The following RALGAPA1 variants were observed in gnomAD, a reference collection of about 807,000 sequenced individuals.
RALGAPA1 encodes the protein ral GTPase-activating protein subunit alpha-1.
In RALGAPA1, 52 loss-of-function variants were observed where a neutral mutation model predicts 269.6. The ratio of observed to expected loss-of-function variants is 0.19; its 90% confidence interval spans 0.15 to 0.24. The LOEUF is 0.24. RALGAPA1 is among the 10% of genes least tolerant of loss of function. RALGAPA1 has a pLI of 1.00. For synonymous variants in RALGAPA1, 817 were observed against 1,008.3 expected, an observed-to-expected ratio of 0.81 and a Z score of 3.60; for missense variants, 1,917 against 3,013.9, an observed-to-expected ratio of 0.64 and a Z score of 8.52.
At chr14:35,636,868 T>C (rs2061694187) in intron 31 of RALGAPA1, among the ~76,000 whole-genome samples, 1 of 152,132 alleles carries the variant, frequency 6.6e-6, no homozygotes, top group Middle Eastern at 3.2e-3. Flanking sequence ...CCAGCATCTT[T>C]CTCCCATTCT....
At chr14:35,729,083 T>C (rs1223642966) in intron 12 of RALGAPA1, among the ~76,000 whole-genome samples, 1 of 151,850 alleles carries the variant, frequency 6.6e-6, no homozygotes, top group South Asian at 2.1e-4. Context: ...TCTATTGCTA[T>C]AATAAATTGA....
intron 1 of RALGAPA1, among the ~76,000 whole-genome samples, chr14:35,806,070 C>T (rs1249297055): frequency 6.6e-6 from 1 of 152,110 alleles, no homozygotes; most frequent in African/African-American, 2.4e-5. Flanking sequence ...ATGATGGTTT[C>T]AGGAGATATA....
chr14:35,684,556 A>T (rs1368933298), intron 20 of RALGAPA1, among the ~76,000 whole-genome samples: 1 of 152,186 alleles, frequency 6.6e-6, no homozygotes, highest in Non-Finnish European at 1.5e-5. Flanking sequence ...TTAAGAAGGG[A>T]TCACATTTTT....
At chr14:35,650,300 G>A (rs1200077093) in intron 31 of RALGAPA1, among the ~76,000 whole-genome samples, 2 of 151,944 alleles carry the variant, frequency 1.3e-5, no homozygotes, top group African/African-American at 2.4e-5. Context: ...CACGAGAACC[G>A]CTTGAACCTG....
At chr14:35,663,120 TC>T (rs1238876852) in intron 27 of RALGAPA1, among the ~76,000 whole-genome samples, 1 of 151,980 alleles carries the variant, frequency 6.6e-6, no homozygotes, top group Non-Finnish European at 1.5e-5. Flanking sequence ...CCCAGGCTGG[TC>T]TTGAACTCCT....
chr14:35,553,225 C>T (rs1352187880), intron 39 of RALGAPA1, among the ~76,000 whole-genome samples: 1 of 152,134 alleles, frequency 6.6e-6, no homozygotes, highest in East Asian at 1.9e-4. Context: ...TCTAGGAGGG[C>T]AATTTTTGAT....
chr14:35,776,481 T>C (rs908238616), intron 1 of RALGAPA1, among the ~76,000 whole-genome samples: 3 of 151,926 alleles, frequency 2.0e-5, no homozygotes, highest in African/African-American at 7.3e-5. Context: ...ACTTAGGGAT[T>C]AAAAAGCTCA....
intron 37 of RALGAPA1, among the ~76,000 whole-genome samples, chr14:35,590,502 C>T (rs186315093): frequency 1.3e-5 from 2 of 152,180 alleles, no homozygotes; most frequent in Admixed American, 1.3e-4. Flanking sequence ...GTAGTGAGTT[C>T]TCATGAAAGC....
intron 37 of RALGAPA1, among the ~76,000 whole-genome samples, chr14:35,577,810 C>T (rs189582389): frequency 2.7e-4 from 41 of 152,286 alleles, no homozygotes; most frequent in African/African-American, 9.9e-4. Flanking sequence ...GTTAAAAGTA[C>T]CTAACAACTA....
At chr14:35,759,592 T>TA (rs57642499) in intron 6 of RALGAPA1, among the ~76,000 whole-genome samples, 32,295 of 130,588 alleles carry the variant, frequency 0.25, 3,949 homozygotes, top group East Asian at 0.48. Flanking sequence ...ATTAAAGAAG[T>TA]AAAAAAAAAA....
chr14:35,766,362 C>A, intron 4 of RALGAPA1: 1 of 1,383,322 alleles, frequency 7.2e-7, no homozygotes, highest in Non-Finnish European at 1.0e-6. Context: ...TGTGAGCAAA[C>A]TATGTATAGG....
At chr14:35,732,336 G>C (rs1465582158) in intron 12 of RALGAPA1, among the ~76,000 whole-genome samples, 2 of 143,822 alleles carry the variant, frequency 1.4e-5, no homozygotes, top group African/African-American at 5.1e-5. Flanking sequence ...TTTAAAAATC[G>C]AAAACAAAAA....
Position 35,539,542 on chromosome 14 carries a change from T to C in RALGAPA1, c.*172A>G. ...GATCACTGCTGGGCTGCTTGTCTCC[T>C]TAGGATTTATTGGCTGAGCCAGAGG... On this transcript the variant is annotated 3_prime_UTR_variant, in exon 42 of 42. Transcript: ENST00000680220. 6.2e-7 allele frequency: 1 copy of C among 1,612,122 alleles called. No homozygotes were observed. Among genetic ancestry groups the C allele is most frequent in the East Asian group, 2.2e-5 (1 of 44,882 alleles).
rs1405337091 is a variant in RALGAPA1 at position 35,690,809 on chromosome 14, C to A, written c.2408-806G>T. 2.0e-5 allele frequency among the ~76,000 whole-genome samples: 3 copies of A among 152,058 alleles called. 1 individual carries two copies. Among genetic ancestry groups the A allele is most frequent in the Admixed American group, 1.3e-4 (2 of 15,268 alleles). On this transcript the variant is annotated intron_variant, in intron 17 of 41. Transcript: ENST00000680220. The stretch of plus-strand genomic sequence containing the variant: ...TATAGGCTGGGCGCGGTGGCTCACA[C>A]CTATAATCCCAGCACTCTGGGAGGC...
intron 37 of RALGAPA1, among the ~76,000 whole-genome samples, chr14:35,580,235 A>T (rs551718043): frequency 6.6e-6 from 1 of 152,310 alleles, no homozygotes; most frequent in African/African-American, 2.4e-5. Context: ...CTTGATCTTC[A>T]TCAAACTTCT....
intron 1 of RALGAPA1, among the ~76,000 whole-genome samples, chr14:35,804,620 GTAAC>G (rs1213528137): frequency 3.3e-5 from 5 of 150,658 alleles, no homozygotes; most frequent in South Asian, 2.1e-4. Context: ...TAAATAGTGA[GTAAC>G]TATTCAGAAA....
At chr14:35,632,633 T>G (rs1301658521) in intron 33 of RALGAPA1, among the ~76,000 whole-genome samples, 1 of 152,162 alleles carries the variant, frequency 6.6e-6, no homozygotes, top group Non-Finnish European at 1.5e-5. Context: ...ACCCGGCAAA[T>G]GATGACTTTT....
intron 31 of RALGAPA1, among the ~76,000 whole-genome samples, chr14:35,636,001 C>A (rs899700524): frequency 3.3e-5 from 5 of 152,152 alleles, no homozygotes; most frequent in African/African-American, 4.8e-5. Context: ...GAATAGCCTG[C>A]CAGTAAGACT....
chr14:35,576,264 T>C (rs982546428), intron 37 of RALGAPA1, among the ~76,000 whole-genome samples: 2 of 152,224 alleles, frequency 1.3e-5, no homozygotes, highest in African/African-American at 2.4e-5. Flanking sequence ...TAAATTACTT[T>C]CTGCATTTTA....
Sources: gnomAD v4.1 joint callset for allele counts (sites outside exome capture counted in the v4.1 genomes callset) on GRCh38, gnomAD v4.1.1 for gene constraint, MANE v1.5 for transcripts, NCBI Gene and HGNC (gene_info 2026-07-23, HGNC 2026-07-21) for gene names.